The following CAPS2 variants were observed in gnomAD, a reference collection of about 807,000 sequenced individuals.
CAPS2 encodes calcyphosin-2.
CAPS2 carries 98 observed loss-of-function variants against 86.5 expected under a neutral mutation model. The observed-to-expected ratio is 1.13, with a 90% CI of 0.96 to 1.34. The LOEUF is 1.34. Among genes scored for constraint, CAPS2 ranks in the 40% most tolerant of loss-of-function variants. The pLI, the probability that CAPS2 is intolerant of heterozygous loss-of-function variation, is 0.00. For synonymous variants in CAPS2, 210 were observed against 225.1 expected, an observed-to-expected ratio of 0.93 and a Z score of 0.60; for missense variants, 729 against 686.8, an observed-to-expected ratio of 1.06 and a Z score of -0.69.
intron 1 of CAPS2, among the ~76,000 whole-genome samples, chr12:75,366,010 T>C (rs2043938403): frequency 6.6e-6 from 1 of 152,182 alleles, no homozygotes; most frequent in Non-Finnish European, 1.5e-5. Flanking sequence ...ATCCACTTGA[T>C]CAATAAACAA....
intron 14 of CAPS2, among the ~76,000 whole-genome samples, chr12:75,288,656 C>T (rs1483530755): frequency 6.6e-6 from 1 of 152,180 alleles, no homozygotes. Flanking sequence ...CTTAGCATGA[C>T]ATGCAAGACT....
At chr12:75,291,772 A>T (rs200661882) in exon 13 of CAPS2, 15 of 1,569,808 alleles carry the variant, frequency 9.6e-6, no homozygotes, top group Non-Finnish European at 1.0e-5. Context: ...CCAGCCTATC[A>T]TTGGTTTCTT....
chr12:75,334,927 C>A (rs751236331), upstream of CAPS2: 1 of 1,601,960 alleles, frequency 6.2e-7, no homozygotes, highest in African/African-American at 1.3e-5. Context: ...GGGCTGGGCT[C>A]TTAAATCCCT....
chr12:75,338,740 C>A (rs539553196), intron 1 of CAPS2, among the ~76,000 whole-genome samples: 58 of 152,184 alleles, frequency 3.8e-4, no homozygotes, highest in African/African-American at 1.3e-3. Context: ...CTTCCTGAAG[C>A]TCTCTCTCCT....
chr12:75,355,430 C>A (rs2043090215), intron 1 of CAPS2, among the ~76,000 whole-genome samples: 1 of 152,192 alleles, frequency 6.6e-6, no homozygotes, highest in South Asian at 2.1e-4. Context: ...GATACCATCT[C>A]ATGCCAGTCA....
At chr12:75,311,085 G>A (rs2039108497) in intron 7 of CAPS2, among the ~76,000 whole-genome samples, 2 of 152,110 alleles carry the variant, frequency 1.3e-5, no homozygotes, top group Admixed American at 6.5e-5. Flanking sequence ...CGTGAGCCTC[G>A]TAGGCTTCAC....
chr12:75,307,792 C>T (rs1306204622), intron 7 of CAPS2, among the ~76,000 whole-genome samples: 1 of 152,080 alleles, frequency 6.6e-6, no homozygotes, highest in East Asian at 1.9e-4. Flanking sequence ...GATTTGAGGT[C>T]ACCAAGTAGA....
At chr12:75,350,053 G>C (rs2139425711) in intron 1 of CAPS2, among the ~76,000 whole-genome samples, 1 of 152,336 alleles carries the variant, frequency 6.6e-6, no homozygotes, top group South Asian at 2.1e-4. Context: ...CCCTGCTGCT[G>C]GTGCCAGCAA....
At chr12:75,298,706 C>T (rs766873465) in exon 11 of CAPS2, 14 of 1,613,494 alleles carry the variant, frequency 8.7e-6, no homozygotes, top group African/African-American at 8.0e-5. Flanking sequence ...ATCACCAAGT[C>T]GGTATTGTTT....
chr12:75,281,097 G>T (rs2033864110), intron 16 of CAPS2, among the ~76,000 whole-genome samples: 1 of 151,782 alleles, frequency 6.6e-6, no homozygotes, highest in Non-Finnish European at 1.5e-5. Context: ...TGTAAAATGG[G>T]TTTTTTTAAC....
rs113385365 is a variant in CAPS2, at chr12:75,339,549, C to T, written c.-394-16327G>A. Among the ~76,000 whole-genome samples the T allele has an allele frequency of 2.8e-3, 432 of 152,222 alleles. 3 individuals are homozygous for T. Among genetic ancestry groups the T allele is most frequent in the African/African-American group, 0.01 (418 of 41,544 alleles). On this transcript the variant is annotated intron_variant, in intron 1 of 5. Transcript: ENST00000551829. ...TCTACCATTCTGTAGGTTGTCTGTT[C>T]ACTCTGATGATACTTTCTTTTGCCG...
chr12:75,314,139 C>T (rs113772899), intron 6 of CAPS2, among the ~76,000 whole-genome samples: 2,450 of 152,120 alleles, frequency 0.016, 56 homozygotes, highest in African/African-American at 0.051. Flanking sequence ...AGGCTGGTCT[C>T]GAACTCCTGG....
chr12:75,291,587 A>AGCT (rs1269370984), intron 13 of CAPS2, among the ~76,000 whole-genome samples, 157 bp downstream of exon 13: 10 of 82,114 alleles, frequency 1.2e-4, no homozygotes, highest in African/African-American at 3.2e-4. Context: ...ATATATATAT[A>AGCT]TATATATATA....
At chr12:75,364,349 T>TC (rs2043822675) in intron 1 of CAPS2, among the ~76,000 whole-genome samples, 1 of 152,204 alleles carries the variant, frequency 6.6e-6, no homozygotes, top group Admixed American at 6.5e-5. Context: ...GTTTACATTC[T>TC]CCCCCTTCTG....
At chr12:75,282,923 T>C (rs2034238790) in intron 15 of CAPS2, among the ~76,000 whole-genome samples, 1 of 152,148 alleles carries the variant, frequency 6.6e-6, no homozygotes, top group South Asian at 2.1e-4. Flanking sequence ...ACCTGACCTC[T>C]ATTTCCATGG....
chr12:75,310,749 T>C (rs1421941621), intron 7 of CAPS2, among the ~76,000 whole-genome samples: 1 of 152,046 alleles, frequency 6.6e-6, no homozygotes, highest in East Asian at 1.9e-4. Flanking sequence ...TGCGGATTGG[T>C]TGGAAATCTG....
At chr12:75,317,031 A>C (rs945848293) in intron 5 of CAPS2, among the ~76,000 whole-genome samples, 6 of 152,132 alleles carry the variant, frequency 3.9e-5, no homozygotes, top group African/African-American at 1.4e-4. Context: ...TCTTCCCCCC[A>C]GGGCTTATTC....
At chr12:75,288,913 A>G (rs757773614) in intron 14 of CAPS2, among the ~76,000 whole-genome samples, 12 of 152,222 alleles carry the variant, frequency 7.9e-5, no homozygotes, top group Non-Finnish European at 1.3e-4. Context: ...ATTGGTATAG[A>G]AAGGACCAAG....
At position 75,291,686 on chromosome 12, in the gene CAPS2, T is replaced by C. The variant is rs149686440; in HGVS notation, c.1240+58A>G. 1.3e-3 allele frequency: 1,029 copies of C among 798,254 alleles called. 8 individuals carry two copies. In the African/African-American group the frequency reaches 0.016, roughly 13 times the overall value. 49.4% of individuals were successfully genotyped at this position (798,254 alleles called of 1,614,324 possible). On this transcript the variant is annotated intron_variant, in intron 13 of 16. Coordinates refer to ENST00000393284, the Ensembl canonical transcript of CAPS2. The stretch of plus-strand genomic sequence containing the variant: ...AATATCTGGGAAAATGCTGTTTTAC[T>C]GATTATAAAAAAGGACTGAAAATTC...
Sources: allele counts gnomAD v4.1 joint callset (sites outside exome capture counted in the v4.1 genomes callset), GRCh38; gene constraint gnomAD v4.1.1; transcripts MANE v1.5; gene names NCBI Gene and HGNC (gene_info 2026-07-23, HGNC 2026-07-21).